The following ATRNL1 variants were observed in gnomAD, a reference collection of about 807,000 sequenced individuals.
The protein encoded by ATRNL1 is attractin like 1.
Under a neutral mutation model 182.7 loss-of-function variants are expected in ATRNL1, and 95 were observed. The observed-to-expected ratio is 0.52, with a 90% CI of 0.44 to 0.62. ATRNL1 has a LOEUF of 0.62. Ranked by LOEUF, ATRNL1 falls within the 20% of genes least tolerant of loss-of-function variation. ATRNL1 has a pLI of 0.00. For missense variants in ATRNL1, 1,471 were observed against 1,679.5 expected (o/e 0.88, Z 2.17); for synonymous variants, 576 against 568.3 (o/e 1.01, Z -0.19).
At chr10:115,143,617 GC>G (rs1390828691) in intron 5 of ATRNL1, among the ~76,000 whole-genome samples, 3 of 152,066 alleles carry the variant, frequency 2.0e-5, no homozygotes, top group African/African-American at 7.2e-5. Context: ...CACCTTCCTG[GC>G]CCTCTCACTC....
intron 10 of ATRNL1, among the ~76,000 whole-genome samples, chr10:115,259,616 G>C (rs111589137): frequency 1.6e-4 from 24 of 152,332 alleles, no homozygotes; most frequent in African/African-American, 5.5e-4. Flanking sequence ...CCCTCTGTGG[G>C]CTGCATCCAC....
intron 17 of ATRNL1, among the ~76,000 whole-genome samples, chr10:115,304,146 G>A (rs1452701392): frequency 6.6e-6 from 1 of 152,098 alleles, no homozygotes; most frequent in Non-Finnish European, 1.5e-5. Flanking sequence ...AGGAGTGTAG[G>A]CCATAACACA....
intron 28 of ATRNL1, among the ~76,000 whole-genome samples, chr10:115,856,730 T>C (rs1323612664): frequency 6.6e-6 from 1 of 152,070 alleles, no homozygotes; most frequent in Admixed American, 6.6e-5. Flanking sequence ...CCTTTGAGAA[T>C]CTAATGCCTC....
intron 27 of ATRNL1, among the ~76,000 whole-genome samples, chr10:115,741,992 T>C (rs973285357): frequency 6.6e-6 from 1 of 152,180 alleles, no homozygotes; most frequent in Non-Finnish European, 1.5e-5. Flanking sequence ...GTAAAATATG[T>C]CATCCATTTC....
intron 10 of ATRNL1, among the ~76,000 whole-genome samples, chr10:115,259,524 A>C: frequency 6.6e-6 from 1 of 152,178 alleles, no homozygotes; most frequent in East Asian, 1.9e-4. Flanking sequence ...AGTCTGTCAC[A>C]GCTTCCCTTG....
At chr10:115,451,819 A>G (rs1414761107) in intron 21 of ATRNL1, among the ~76,000 whole-genome samples, 3 of 152,182 alleles carry the variant, frequency 2.0e-5, no homozygotes, top group Non-Finnish European at 4.4e-5. Context: ...ACAAATGTCC[A>G]CTGCAGCACT....
chr10:115,536,968 C>G (rs1852064162), intron 25 of ATRNL1, among the ~76,000 whole-genome samples: 1 of 94,020 alleles, frequency 1.1e-5, no homozygotes, highest in East Asian at 2.2e-4. Flanking sequence ...AAAAAAGTCT[C>G]TGTTTAAAAA....
intron 26 of ATRNL1, among the ~76,000 whole-genome samples, chr10:115,649,927 A>C (rs958086897): frequency 6.6e-6 from 1 of 152,180 alleles, no homozygotes; most frequent in Non-Finnish European, 1.5e-5. Flanking sequence ...AAAGTGGAAG[A>C]TAAAAGTGAT....
chr10:115,867,730 A>T (rs1408234646), intron 28 of ATRNL1, among the ~76,000 whole-genome samples: 8 of 138,100 alleles, frequency 5.8e-5, no homozygotes, highest in East Asian at 2.1e-4. Flanking sequence ...CACCCTGTGA[A>T]TTTTTTTTTT....
intron 5 of ATRNL1, among the ~76,000 whole-genome samples, chr10:115,135,719 T>C (rs938250924): frequency 1.3e-5 from 2 of 152,182 alleles, no homozygotes; most frequent in Admixed American, 1.3e-4. Context: ...AGAGCCTGCA[T>C]TGCCAAGTCA....
chr10:115,405,942 G>A (rs1162594783), intron 20 of ATRNL1, among the ~76,000 whole-genome samples: 1 of 148,290 alleles, frequency 6.7e-6, no homozygotes, highest in African/African-American at 2.5e-5. Context: ...AACATGCGGT[G>A]TTTGTTTTTT....
intron 7 of ATRNL1, among the ~76,000 whole-genome samples, chr10:115,166,681 T>C (rs1350333744): frequency 6.6e-6 from 1 of 152,104 alleles, no homozygotes; most frequent in East Asian, 1.9e-4. Flanking sequence ...CAAGTGCTTA[T>C]TGGCTATTTG....
At chr10:115,553,637 C>A (rs1353772054) in intron 26 of ATRNL1, among the ~76,000 whole-genome samples, 3 of 150,922 alleles carry the variant, frequency 2.0e-5, no homozygotes, top group Admixed American at 6.6e-5. Context: ...TTATTATCAC[C>A]CTGAAATTTG....
intron 27 of ATRNL1, among the ~76,000 whole-genome samples, chr10:115,814,907 C>T (rs1282444062): frequency 4.6e-5 from 7 of 152,134 alleles, no homozygotes; most frequent in African/African-American, 1.7e-4. Flanking sequence ...AATGTCTACA[C>T]CACAGAATTA....
intron 26 of ATRNL1, among the ~76,000 whole-genome samples, chr10:115,614,854 T>C (rs974517366): frequency 1.3e-5 from 2 of 152,186 alleles, no homozygotes; most frequent in African/African-American, 4.8e-5. Context: ...CATGGTTTTG[T>C]TTTCCATTTG....
intron 5 of ATRNL1, among the ~76,000 whole-genome samples, chr10:115,158,582 T>C (rs1008430586): frequency 6.6e-6 from 1 of 151,992 alleles, no homozygotes; most frequent in Non-Finnish European, 1.5e-5. Flanking sequence ...TCCTAGTTTG[T>C]ACCTGAAAAA....
chr10:115,631,093 T>C (rs1195830386), intron 26 of ATRNL1, among the ~76,000 whole-genome samples: 4 of 151,748 alleles, frequency 2.6e-5, no homozygotes, highest in African/African-American at 7.3e-5. Flanking sequence ...TGGGGAGATG[T>C]TGGTCAAATG....
chr10:115,865,830 T>A (rs910641543), intron 28 of ATRNL1, among the ~76,000 whole-genome samples: 3 of 152,298 alleles, frequency 2.0e-5, no homozygotes, highest in South Asian at 2.1e-4. Flanking sequence ...AAGGGGCAAA[T>A]CTTATGGACA....
chr10:115,828,321 AAAAAAGAAAAG>A (rs1390684103), intron 27 of ATRNL1, among the ~76,000 whole-genome samples: 3 of 150,680 alleles, frequency 2.0e-5, no homozygotes, highest in African/African-American at 7.5e-5. Flanking sequence ...CCGTCTCAAA[AAAAAAGAAAAG>A]AAAAGAAAAG....
Sources: gnomAD v4.1 joint callset for allele counts (sites outside exome capture counted in the v4.1 genomes callset) on GRCh38, gnomAD v4.1.1 for gene constraint, MANE v1.5 for transcripts, NCBI Gene and HGNC (gene_info 2026-07-23, HGNC 2026-07-21) for gene names.